The following OR5H14 variants were observed in gnomAD, a reference collection of about 807,000 sequenced individuals.
OR5H14 encodes olfactory receptor 5H14.
For missense variants in OR5H14, 392 were observed against 363.9 expected (o/e 1.08, Z -0.63); for synonymous variants, 155 against 130.6 (o/e 1.19, Z -1.28).
intron 1 of OR5H14, 86 bp from the exon 2 acceptor site, chr3:98,149,282 C>T: frequency 7.3e-7 from 1 of 1,374,422 alleles, no homozygotes; most frequent in East Asian, 2.3e-5. Context: ...CTGATAATTG[C>T]ACACTTTATA....
Position 98,149,463 on chromosome 3 carries a change from C to G in OR5H14, c.78C>G (p.Pro26=), listed in dbSNP as rs146669592. ...TATATCAACCACAGTGGAAAATACC[C>G]CTGTTCCTGGCATTCTTGGTAATAT... ...GFLYQPQWKI[P]LFLAFLVIYL... The change falls in exon 2 of 2, where the codon CCC becomes CCG. Residue 26 remains proline (P), a synonymous_variant. Coordinates refer to ENST00000641380, the MANE Select transcript of OR5H14 (RefSeq NM_001005514.2). The G allele has an allele frequency of 4.2e-5, 68 of 1,613,246 alleles. No individual in the cohort carries two copies. Among genetic ancestry groups the G allele is most frequent in the Admixed American group, 1.0e-4 (6 of 59,930 alleles).
At chr3:98,148,391 G>A (rs749240064) in intron 1 of OR5H14, among the ~76,000 whole-genome samples, 1 of 151,850 alleles carries the variant, frequency 6.6e-6, no homozygotes, top group African/African-American at 2.4e-5. Flanking sequence ...TTTTAACTGT[G>A]CCTTTGACTA....
Position 98,149,949 on chromosome 3 carries a change from T to C in OR5H14, c.564T>C (p.Ser188=). The C allele has an allele frequency of 1.2e-6, 2 of 1,613,376 alleles. No individual in the cohort carries two copies. ...ACATTATCCCATTGTTAAAGATTTC[T>C]TATACTGATTCCTCTATTAACTTTC... The part of the protein sequence containing the change: ...YCDIIPLLKI[S]YTDSSINFLM... Residue 188 remains serine, a synonymous_variant, in exon 2 of 2, where the codon TCT becomes TCC. Transcript: ENST00000641380.
In OR5H14 at chr3:98,155,981, T is replaced by C. The variant is rs1024270364; in HGVS notation, c.*5663T>C. On this transcript the variant is annotated 3_prime_UTR_variant, in exon 2 of 2. Coordinates refer to ENST00000641380, the MANE Select transcript of OR5H14 (RefSeq NM_001005514.2). ...ACACATCTAAATCCACAATGCCCAG[T>C]TGAAGATCTTCACTTTGTCCTACAG... The C allele has an allele frequency of 6.6e-6, 1 of 152,184 alleles. No homozygotes were observed. The highest frequency in any genetic ancestry group is 1.5e-5 in the Non-Finnish European group (1 of 68,028). 9.4% of individuals were successfully genotyped at this position (152,184 alleles called of 1,614,324 possible). A position where few individuals can be genotyped will look rare whatever the true frequency, so the allele number is the denominator to read the frequency against.
chr3:98,151,657 T>G lies in OR5H14; in HGVS notation c.*1339T>G, dbSNP rs1177530120. ...TGTTTTAGGTGTCAATATCTATGTA[T>G]ACATACACTTATGTATACATGAGAG... is the stretch of plus-strand genomic sequence containing the variant. On this transcript the variant is annotated 3_prime_UTR_variant, in exon 2 of 2. Transcript: ENST00000641380. 1 of 152,186 alleles carries G rather than the reference T, an allele frequency of 6.6e-6. No homozygotes were observed. Among genetic ancestry groups the G allele is most frequent in the Non-Finnish European group, 1.5e-5 (1 of 68,026 alleles). The allele number at this position is 152,186 out of a possible 1,614,324, so 9.4% of individuals were successfully genotyped here.
chr3:98,151,033 G>A lies in OR5H14; in HGVS notation c.*715G>A, dbSNP rs1340284432. 6.6e-6 allele frequency: 1 copy of A among 152,044 alleles called. No homozygotes were observed. The highest frequency in any genetic ancestry group is 1.5e-5 in the Non-Finnish European group (1 of 67,992). 9.4% of individuals were successfully genotyped at this position (152,044 alleles called of 1,614,324 possible). A position where few individuals can be genotyped will look rare whatever the true frequency, so the allele number is the denominator to read the frequency against. ...CTGTGATTGTGTTTTCAGAGAATCT[G>A]AAAAGCTTCCCTAAATCAGAAAATT... is the stretch of plus-strand genomic sequence containing the variant. On this transcript the variant is annotated 3_prime_UTR_variant, in exon 2 of 2. Transcript: ENST00000641380.
Position 98,149,377 on chromosome 3 carries a change from A to T in OR5H14, c.-9A>T, listed in dbSNP as rs758874000. On this transcript the variant is annotated 5_prime_UTR_variant, in exon 2 of 2. Transcript: ENST00000641380. ...TTGCATTTTATTTTAGAGGACATGCAGTGAGGACATGGAAGAGGAAAATGC... is the reference window on the plus strand; with the variant it reads ...TTGCATTTTATTTTAGAGGACATGCTGTGAGGACATGGAAGAGGAAAATGC... 1.7e-5 allele frequency: 27 copies of T among 1,612,046 alleles called. No homozygotes were observed. In the East Asian group the frequency reaches 2.5e-4, roughly 15 times the overall value.
rs1708483613 is a variant in OR5H14, at chr3:98,150,096, CT to C, written c.713del (p.Phe238SerfsTer35). 1 of 1,610,044 alleles carries C rather than the reference CT, an allele frequency of 6.2e-7. No homozygotes were observed. Among genetic ancestry groups the C allele is most frequent in the African/African-American group, 1.3e-5 (1 of 74,482 alleles). On this transcript the variant is annotated frameshift_variant, in exon 2 of 2. Transcript: ENST00000641380. LOFTEE classifies it low-confidence loss of function (END_TRUNC). ...AGTCTGTCAAAGGTATGAGAAAAGC[CT>C]TCTCCACCTGTGGAGCTCATCTCTT... ...KKSVKGMRKA[F>X]STCGAHLLSV... is the part of the protein sequence containing the mutation.
At chr3:98,148,439 A>G (rs1202043274) in intron 1 of OR5H14, among the ~76,000 whole-genome samples, 1 of 152,064 alleles carries the variant, frequency 6.6e-6, no homozygotes, top group African/African-American at 2.4e-5. Context: ...ATTAAGCTCT[A>G]ACAGGCTCAT....
At position 98,150,020 on chromosome 3, in the gene OR5H14, G is replaced by A. The variant is rs181482909; in HGVS notation, c.635G>A (p.Gly212Glu). Residue 212 changes from glycine to glutamate, a missense_variant, in exon 2 of 2, where the codon GGG (glycine) becomes GAG (glutamate). By Grantham distance (98) the Gly-to-Glu change is moderately conservative. Coordinates refer to ENST00000641380, the MANE Select transcript of OR5H14 (RefSeq NM_001005514.2). ...FAGSIQVFTI[G>E]TVLISYIFVL... ...GGTTCAATTCAAGTTTTTACCATAG[G>A]GACTGTTCTTATATCTTACATATTT... 1.2e-6 allele frequency: 2 copies of A among 1,612,654 alleles called. No homozygotes were observed. Among genetic ancestry groups the A allele is most frequent in the East Asian group, 4.5e-5 (2 of 44,746 alleles).
rs559330003 is a variant in OR5H14 at position 98,154,470 on chromosome 3, T to C, written c.*4152T>C. On this transcript the variant is annotated 3_prime_UTR_variant, in exon 2 of 2. Transcript: ENST00000641380. ...CTTTTGTTTGGGACAAGGATATTTT[T>C]CCCTATTGCTCTCAGCCCAGATTTT... is the stretch of plus-strand genomic sequence containing the variant. The C allele has an allele frequency of 2.6e-5, 4 of 152,354 alleles. No individual in the cohort carries two copies. In the South Asian group the frequency reaches 8.3e-4, roughly 32 times the overall value. 9.4% of individuals were successfully genotyped at this position (152,354 alleles called of 1,614,324 possible).
chr3:98,155,002 T>G lies in OR5H14; in HGVS notation c.*4684T>G, dbSNP rs76819308. On this transcript the variant is annotated 3_prime_UTR_variant, in exon 2 of 2. Coordinates refer to ENST00000641380, the MANE Select transcript of OR5H14 (RefSeq NM_001005514.2). Reference sequence around the variant, plus strand: ...TTCCTAACTGCTCCCACAGATAATATTCCTATTGTGAAATCTAAGATTGGT... The same window carrying G: ...TTCCTAACTGCTCCCACAGATAATAGTCCTATTGTGAAATCTAAGATTGGT... The G allele has an allele frequency of 0.17, 25,785 of 147,714 alleles. No individual in the cohort carries two copies. The highest frequency in any genetic ancestry group is 0.37 in the East Asian group (1,817 of 4,954). 9.2% of individuals were successfully genotyped at this position (147,714 alleles called of 1,614,324 possible).
rs990729547 is a variant in OR5H14 at position 98,151,649 on chromosome 3, T to A, written c.*1331T>A. ...CGTACATGTGTTTTAGGTGTCAATA[T>A]CTATGTATACATACACTTATGTATA... is the stretch of plus-strand genomic sequence containing the variant. On this transcript the variant is annotated 3_prime_UTR_variant, in exon 2 of 2. Transcript: ENST00000641380. 12 of 152,168 alleles carry A rather than the reference T, an allele frequency of 7.9e-5. No homozygotes were observed. The highest frequency in any genetic ancestry group is 7.9e-4 in the Admixed American group (12 of 15,264). 9.4% of individuals were successfully genotyped at this position (152,168 alleles called of 1,614,324 possible).
At position 98,153,176 on chromosome 3, in the gene OR5H14, A is replaced by T. The variant is rs1442871660; in HGVS notation, c.*2858A>T. ...TTTCAGACTCTTGAGAAAATACAGC[A>T]TACCAGCAAGATTACAATGATGACC... On this transcript the variant is annotated 3_prime_UTR_variant, in exon 2 of 2. Coordinates refer to ENST00000641380, the MANE Select transcript of OR5H14 (RefSeq NM_001005514.2). 1.3e-5 allele frequency: 2 copies of T among 152,214 alleles called. No homozygotes were observed. Among genetic ancestry groups the T allele is most frequent in the Non-Finnish European group, 2.9e-5 (2 of 68,044 alleles). The allele number at this position is 152,214 out of a possible 1,614,324, so 9.4% of individuals were successfully genotyped here.
chr3:98,149,563 T>A lies in OR5H14; in HGVS notation c.178T>A (p.Tyr60Asn), dbSNP rs1708469687. ...AGACCCTCATCTTCATATCCCAATG[T>A]ACTTACTCCTTGGGAATTTAGCTTT... ...WKDPHLHIPMYLLLGNLAFVD... is the reference protein window; with the variant it reads ...WKDPHLHIPMNLLLGNLAFVD... The change falls in exon 2 of 2, where the codon TAC becomes AAC. Residue 60 changes from tyrosine to asparagine, a missense_variant. By Grantham distance (143) the Tyr-to-Asn change is moderately radical. Coordinates refer to ENST00000641380, the MANE Select transcript of OR5H14 (RefSeq NM_001005514.2). 1 of 1,613,576 alleles carries A rather than the reference T, an allele frequency of 6.2e-7. No homozygotes were observed. The highest frequency in any genetic ancestry group is 8.5e-7 in the Non-Finnish European group (1 of 1,179,596).
rs4997985 is a variant in OR5H14 at position 98,154,685 on chromosome 3, G to A, written c.*4367G>A. The A allele has an allele frequency of 0.18, 26,917 of 149,892 alleles. No individual in the cohort carries two copies. The highest frequency in any genetic ancestry group is 0.37 in the East Asian group (1,879 of 5,080). 9.3% of individuals were successfully genotyped at this position (149,892 alleles called of 1,614,324 possible). A position where few individuals can be genotyped will look rare whatever the true frequency, so the allele number is the denominator to read the frequency against. The stretch of plus-strand genomic sequence containing the variant: ...TAGTTGAAACCACCTTTGCAAAAAT[G>A]ATGACAGAAAAATCTCACATAGGAA... On this transcript the variant is annotated 3_prime_UTR_variant, in exon 2 of 2. Transcript: ENST00000641380.
chr3:98,147,850 A>G (rs1445892287), intron 1 of OR5H14, among the ~76,000 whole-genome samples: 1 of 152,074 alleles, frequency 6.6e-6, no homozygotes, highest in Non-Finnish European at 1.5e-5. Context: ...TTAAAGGTTC[A>G]GATCATAATG....
Position 98,149,841 on chromosome 3 carries a change from T to C in OR5H14, c.456T>C (p.Gly152=). Residue 152 remains glycine, a synonymous_variant, in exon 2 of 2, where the codon GGT becomes GGC. Coordinates refer to ENST00000641380, the MANE Select transcript of OR5H14 (RefSeq NM_001005514.2). ...TATTAATCTTGTCATATGTAGGTGGTCTTCTTCATGCTTTAATCCATGAAG... is the reference window on the plus strand; with the variant it reads ...TATTAATCTTGTCATATGTAGGTGGCCTTCTTCATGCTTTAATCCATGAAG... The part of the protein sequence containing the change: ...IRLLILSYVG[G]LLHALIHEGF... 1 of 1,613,162 alleles carries C rather than the reference T, an allele frequency of 6.2e-7. No homozygotes were observed. Among genetic ancestry groups the C allele is most frequent in the Non-Finnish European group, 8.5e-7 (1 of 1,179,742 alleles).
rs1335667899 is a variant in OR5H14 at position 98,151,495 on chromosome 3, T to C, written c.*1177T>C. 2 of 152,124 alleles carry C rather than the reference T, an allele frequency of 1.3e-5. No homozygotes were observed. Among genetic ancestry groups the C allele is most frequent in the African/African-American group, 4.8e-5 (2 of 41,450 alleles). 9.4% of individuals were successfully genotyped at this position (152,124 alleles called of 1,614,324 possible). The stretch of plus-strand genomic sequence containing the variant: ...CCTTATCCTAAGCATTACTCACATA[T>C]CGTTTTGCAAACCTCTAGTTATTTC... On this transcript the variant is annotated 3_prime_UTR_variant, in exon 2 of 2. Coordinates refer to ENST00000641380, the MANE Select transcript of OR5H14 (RefSeq NM_001005514.2).
Sources: allele counts gnomAD v4.1 joint callset (sites outside exome capture counted in the v4.1 genomes callset), GRCh38; gene constraint gnomAD v4.1.1; transcripts MANE v1.5; gene names NCBI Gene and HGNC (gene_info 2026-07-23, HGNC 2026-07-21).